CAPRIN2: variants seen among roughly 807,000 people sequenced by gnomAD.
CAPRIN2 encodes caprin-2.
CAPRIN2 carries 66 observed loss-of-function variants against 130.4 expected under a neutral mutation model. That is an observed-to-expected ratio of 0.51 (90% CI 0.42 to 0.62). The LOEUF is 0.62. Among genes scored for constraint, CAPRIN2 ranks in the 20% least tolerant of loss-of-function variants. The probability of loss-of-function intolerance (pLI) is 0.00; values close to 1 mark genes in which losing one functional copy is unlikely to be tolerated. For missense variants in CAPRIN2, 1,185 were observed against 1,246.6 expected (o/e 0.95, Z 0.74); for synonymous variants, 471 against 444.1 (o/e 1.06, Z -0.76).
At chr12:30,738,174 G>C (rs933224501) in intron 3 of CAPRIN2, among the ~76,000 whole-genome samples, 1 of 151,928 alleles carries the variant, frequency 6.6e-6, no homozygotes, top group African/African-American at 2.4e-5. Flanking sequence ...GATTCAGTAA[G>C]GCAACCTCCA....
chr12:30,750,966 T>C (rs1287821981), intron 2 of CAPRIN2, 105 bp downstream of exon 3: 1 of 831,166 alleles, frequency 1.2e-6, no homozygotes, highest in African/African-American at 1.7e-5. Context: ...CTATGGATTT[T>C]AACTGTGTGT....
chr12:30,728,911 G>C, exon 8 of CAPRIN2: 1 of 1,614,124 alleles, frequency 6.2e-7, no homozygotes, highest in South Asian at 1.1e-5. Context: ...TGCTTCTTTG[G>C]ATCTTGTTCT....
chr12:30,746,018 A>G (rs1592281010), intron 2 of CAPRIN2, among the ~76,000 whole-genome samples: 2 of 152,230 alleles, frequency 1.3e-5, no homozygotes, highest in Admixed American at 1.3e-4. Flanking sequence ...AACATAGAGC[A>G]TATTTTCAAA....
At chr12:30,733,806 G>T in intron 4 of CAPRIN2, 95 bp from the exon 6 acceptor site, 2 of 799,850 alleles carry the variant, frequency 2.5e-6, no homozygotes, top group Non-Finnish European at 2.1e-6. Context: ...TAACAGACAA[G>T]ACATTCAAAT....
intron 3 of CAPRIN2, among the ~76,000 whole-genome samples, chr12:30,740,593 T>C (rs1592229611): frequency 6.6e-6 from 1 of 152,206 alleles, no homozygotes; most frequent in South Asian, 2.1e-4. Flanking sequence ...CATCAATAAT[T>C]TTCATGCTTT....
At chr12:30,720,690 G>A in intron 12 of CAPRIN2, 121 bp downstream of exon 13, 1 of 632,546 alleles carries the variant, frequency 1.6e-6, no homozygotes, top group East Asian at 2.7e-5. Flanking sequence ...TCTATAGAAA[G>A]CAATACATTA....
At chr12:30,715,789 G>A (rs904146529) in intron 13 of CAPRIN2, 5 of 191,742 alleles carry the variant, frequency 2.6e-5, no homozygotes, top group Admixed American at 1.1e-4. Context: ...TATCCCTTAC[G>A]TAAGTCACCT....
At chr12:30,719,267 T>A (rs1308049756) in intron 12 of CAPRIN2, 42 bp from the exon 14 acceptor site, 3 of 1,608,038 alleles carry the variant, frequency 1.9e-6, no homozygotes, top group East Asian at 2.2e-5. Flanking sequence ...ACCTGCCATA[T>A]AACAAGCAGT....
intron 2 of CAPRIN2, among the ~76,000 whole-genome samples, chr12:30,741,873 G>A (rs187088495): frequency 3.3e-5 from 5 of 152,070 alleles, no homozygotes; most frequent in Non-Finnish European, 7.4e-5. Flanking sequence ...CAGCATAATG[G>A]CCCAAAATGA....
At chr12:30,740,384 C>A (rs1407410869) in intron 3 of CAPRIN2, among the ~76,000 whole-genome samples, 1 of 152,088 alleles carries the variant, frequency 6.6e-6, no homozygotes. Context: ...AAAATTTCCA[C>A]AATTGTTGGA....
Position 30,723,220 on chromosome 12 carries a change from T to C in CAPRIN2, c.2043+39A>G, listed in dbSNP as rs534412750. Reference sequence around the variant, plus strand: ...TCTTTCCAAAGCAAGAGCTTCTTCCTTGAGCAGCAAAGAATAAAAGATTAA... The same window carrying C: ...TCTTTCCAAAGCAAGAGCTTCTTCCCTGAGCAGCAAAGAATAAAAGATTAA... On this transcript the variant is annotated intron_variant, in intron 11 of 16. Coordinates refer to ENST00000298892, the Ensembl canonical transcript of CAPRIN2. 27 of 1,413,638 alleles carry C rather than the reference T, an allele frequency of 1.9e-5. 2 individuals carry two copies. In the South Asian group the frequency reaches 2.9e-4, roughly 15 times the overall value. The allele number at this position is 1,413,638 out of a possible 1,614,324, so 87.6% of individuals were successfully genotyped here.
chr12:30,729,278 T>G, exon 8 of CAPRIN2: 1 of 1,597,174 alleles, frequency 6.3e-7, no homozygotes, highest in South Asian at 1.1e-5. Flanking sequence ...GCTCTTCGCC[T>G]TGTTTGTTTG....
At chr12:30,727,306 T>C (rs980572957) in intron 8 of CAPRIN2, among the ~76,000 whole-genome samples, 4 of 152,276 alleles carry the variant, frequency 2.6e-5, no homozygotes, top group Admixed American at 2.0e-4. Context: ...TATTAGCAAC[T>C]TGAGAGAGAA....
chr12:30,746,473 T>G (rs1256562390), intron 2 of CAPRIN2, among the ~76,000 whole-genome samples: 2 of 152,076 alleles, frequency 1.3e-5, no homozygotes, highest in Non-Finnish European at 2.9e-5. Flanking sequence ...AACTACAAAC[T>G]TTGGGTGATG....
intron 12 of CAPRIN2, chr12:30,719,487 A>T: frequency 2.5e-6 from 1 of 402,308 alleles, no homozygotes; most frequent in Non-Finnish European, 4.5e-6. Flanking sequence ...AACTTTTTAT[A>T]CGCACCTAGT....
chr12:30,754,475 C>T (rs534570224), exon 1 of CAPRIN2: 2 of 152,866 alleles, frequency 1.3e-5, no homozygotes, highest in African/African-American at 4.8e-5. Context: ...GCGAAGAGCA[C>T]CTCTCCCGAG....
intron 12 of CAPRIN2, among the ~76,000 whole-genome samples, chr12:30,717,138 T>C (rs1207037219): frequency 6.6e-6 from 1 of 152,172 alleles, no homozygotes; most frequent in Non-Finnish European, 1.5e-5. Flanking sequence ...TACACACCCA[T>C]GTTCATAGCA....
At chr12:30,739,598 C>T (rs2066444194) in intron 3 of CAPRIN2, among the ~76,000 whole-genome samples, 4 of 152,158 alleles carry the variant, frequency 2.6e-5, no homozygotes, top group African/African-American at 9.6e-5. Context: ...GCATGTAATC[C>T]CAGCTACTTG....
At chr12:30,742,201 C>A (rs1046115308) in intron 2 of CAPRIN2, among the ~76,000 whole-genome samples, 1 of 151,976 alleles carries the variant, frequency 6.6e-6, no homozygotes, top group Non-Finnish European at 1.5e-5. Context: ...AACAAATGTA[C>A]GCTTAGAATG....
Sources: allele counts gnomAD v4.1 joint callset (sites outside exome capture counted in the v4.1 genomes callset), GRCh38; gene constraint gnomAD v4.1.1; transcripts MANE v1.5; gene names NCBI Gene and HGNC (gene_info 2026-07-23, HGNC 2026-07-21).